The following UBASH3B variants were observed in gnomAD, a reference collection of about 807,000 sequenced individuals.
UBASH3B encodes ubiquitin-associated and SH3 domain-containing protein B.
UBASH3B carries 37 observed loss-of-function variants against 83.4 expected under a neutral mutation model. That is an observed-to-expected ratio of 0.44 (90% CI 0.34 to 0.58). UBASH3B has a LOEUF of 0.58. Among genes scored for constraint, UBASH3B ranks in the 20% least tolerant of loss-of-function variants. The pLI is 0.01. For synonymous variants in UBASH3B, 304 were observed against 318.3 expected (o/e 0.96, Z 0.48); for missense variants, 657 against 827.2 (o/e 0.79, Z 2.52).
intron 1 of UBASH3B, among the ~76,000 whole-genome samples, chr11:122,717,923 T>C (rs1214531200): frequency 3.8e-5 from 5 of 132,572 alleles, no homozygotes; most frequent in Non-Finnish European, 8.6e-5. Flanking sequence ...TTTTTTTTTT[T>C]CGGACAAGTC....
chr11:122,764,481 G>C (rs1299075844), intron 1 of UBASH3B, among the ~76,000 whole-genome samples: 1 of 152,240 alleles, frequency 6.6e-6, no homozygotes, highest in Non-Finnish European at 1.5e-5. Context: ...TAGAGCAGCT[G>C]TATGTGGCCA....
chr11:122,669,331 C>T (rs1863560664), intron 1 of UBASH3B, among the ~76,000 whole-genome samples: 1 of 152,198 alleles, frequency 6.6e-6, no homozygotes, highest in African/African-American at 2.4e-5. Context: ...CCTCCATCTT[C>T]AAGTACGTCA....
chr11:122,810,054 G>A lies in UBASH3B; in HGVS notation c.*168G>A. The A allele has an allele frequency of 1.3e-6, 1 of 786,826 alleles. No homozygotes were observed. Among genetic ancestry groups the A allele is most frequent in the Non-Finnish European group, 1.9e-6 (1 of 523,454 alleles). 48.7% of individuals were successfully genotyped at this position (786,826 alleles called of 1,614,324 possible). A position where few individuals can be genotyped will look rare whatever the true frequency, so the allele number is the denominator to read the frequency against. On this transcript the variant is annotated 3_prime_UTR_variant, in exon 14 of 14. Transcript: ENST00000284273. ...GATGAGACTGTGTAAATGAGAGAAA[G>A]ACTTGATTCAGAGGAAAAAAATGTG...
rs1401722562 is a variant in UBASH3B, at chr11:122,758,152, G to C, written c.162-18067G>C. On this transcript the variant is annotated intron_variant, in intron 1 of 13. Coordinates refer to ENST00000284273, the MANE Select transcript of UBASH3B (RefSeq NM_032873.5). The surrounding 1 kb of genome is among the most constrained non-coding windows in gnomAD (Gnocchi z 4.2). ...GGGAACTGAGGCCCAGAAGGAAGGC[G>C]AAGATGTGGCCGGGGGTGGGGCCGG... Among the ~76,000 whole-genome samples, 1 of 152,192 alleles carries C rather than the reference G, an allele frequency of 6.6e-6. No homozygotes were observed. Among genetic ancestry groups the C allele is most frequent in the Non-Finnish European group, 1.5e-5 (1 of 68,032 alleles).
chr11:122,803,376 G>A (rs909623739), intron 11 of UBASH3B, among the ~76,000 whole-genome samples: 2 of 152,188 alleles, frequency 1.3e-5, no homozygotes, highest in African/African-American at 4.8e-5. Flanking sequence ...CCTGAGAGCC[G>A]GGGTAGTGTG....
At chr11:122,691,820 C>T (rs59906294) in intron 1 of UBASH3B, among the ~76,000 whole-genome samples, 3,330 of 152,192 alleles carry the variant, frequency 0.022, 115 homozygotes, top group African/African-American at 0.076. Flanking sequence ...CTGTGATGGC[C>T]ATTTGTGACG....
Position 122,655,756 on chromosome 11 carries a change from G to C in UBASH3B, c.-294G>C, listed in dbSNP as rs1863348834. 2 of 353,044 alleles carry C rather than the reference G, an allele frequency of 5.7e-6. No individual in the cohort carries two copies. Among genetic ancestry groups the C allele is most frequent in the Non-Finnish European group, 5.1e-6 (1 of 195,984 alleles). 21.9% of individuals were successfully genotyped at this position (353,044 alleles called of 1,614,324 possible). A position where few individuals can be genotyped will look rare whatever the true frequency, so the allele number is the denominator to read the frequency against. Reference sequence around the variant, plus strand: ...TCCCGGACTGCTAGGCGAGGAGAGGGAAGGGGGCGGAGGAGACAGGGCTAC... The same window carrying C: ...TCCCGGACTGCTAGGCGAGGAGAGGCAAGGGGGCGGAGGAGACAGGGCTAC... On this transcript the variant is annotated 5_prime_UTR_variant, in exon 1 of 14. Coordinates refer to ENST00000284273, the MANE Select transcript of UBASH3B (RefSeq NM_032873.5).
intron 1 of UBASH3B, among the ~76,000 whole-genome samples, chr11:122,725,342 A>AAAAAAAAAAAAAAAAAAGAGAG (rs71281633): frequency 3.1e-5 from 4 of 130,780 alleles, no homozygotes; most frequent in Admixed American, 8.3e-5. Context: ...AAAAAAAAAA[A>AAAAAAAAAAAAAAAAAAGAGAG]AAGAAAAGAA....
At chr11:122,734,369 G>A (rs1389390943) in intron 1 of UBASH3B, among the ~76,000 whole-genome samples, 5 of 152,170 alleles carry the variant, frequency 3.3e-5, no homozygotes, top group African/African-American at 1.2e-4. Flanking sequence ...CTGAGCAGAC[G>A]GGGATTCCCA....
chr11:122,766,397 T>C (rs1035672193), intron 1 of UBASH3B, among the ~76,000 whole-genome samples: 14 of 152,028 alleles, frequency 9.2e-5, no homozygotes, highest in Middle Eastern at 3.2e-3. Context: ...CACAAAAAAT[T>C]AGCCAGGCGA....
intron 13 of UBASH3B, 135 bp from the exon 14 acceptor site, chr11:122,809,614 A>T (rs1861403466): frequency 4.9e-6 from 4 of 823,030 alleles, no homozygotes; most frequent in Non-Finnish European, 7.5e-6. Context: ...TTTGAAGGGA[A>T]TGCATTTCTA....
chr11:122,718,725 C>T (rs1771915688), intron 1 of UBASH3B, among the ~76,000 whole-genome samples: 1 of 152,196 alleles, frequency 6.6e-6, no homozygotes, highest in Non-Finnish European at 1.5e-5. Flanking sequence ...AAAGCTAACT[C>T]ATAGCGCATG....
chr11:122,795,148 T>C (rs997946391), intron 7 of UBASH3B, among the ~76,000 whole-genome samples: 3 of 152,134 alleles, frequency 2.0e-5, no homozygotes, highest in African/African-American at 7.2e-5. Context: ...TTACAAAGAT[T>C]AAAGAAAATA....
In UBASH3B at chr11:122,810,423, A is replaced by G. The variant is rs1861424249; in HGVS notation, c.*537A>G. 1 of 152,968 alleles carries G rather than the reference A, an allele frequency of 6.5e-6. No individual in the cohort carries two copies. Among genetic ancestry groups the G allele is most frequent in the Non-Finnish European group, 1.5e-5 (1 of 68,326 alleles). The allele number at this position is 152,968 out of a possible 1,614,324, so 9.5% of individuals were successfully genotyped here. On this transcript the variant is annotated 3_prime_UTR_variant, in exon 14 of 14. Transcript: ENST00000284273. ...AGGTTACACATGAAATCCTACCGTC[A>G]CTAGCCCCCATACACCAGTGTTGCT...
intron 9 of UBASH3B, 30 bp downstream of exon 9, chr11:122,797,063 GC>G: frequency 6.4e-7 from 1 of 1,556,986 alleles, no homozygotes; most frequent in Non-Finnish European, 8.7e-7. Context: ...TGCACTCCAG[GC>G]ATTTCTTGCC....
intron 1 of UBASH3B, among the ~76,000 whole-genome samples, chr11:122,745,680 A>G (rs972175670): frequency 6.6e-6 from 1 of 152,136 alleles, no homozygotes; most frequent in African/African-American, 2.4e-5. Context: ...ATAAATGGAT[A>G]AGCTTCATCT....
chr11:122,774,386 T>C, intron 1 of UBASH3B: 1 of 869,688 alleles, frequency 1.1e-6, no homozygotes, highest in Non-Finnish European at 1.4e-6. Context: ...CTTGTCTTTC[T>C]GTGGAGCAGA....
chr11:122,696,975 GC>G (rs530927960), intron 1 of UBASH3B, among the ~76,000 whole-genome samples: 174 of 152,228 alleles, frequency 1.1e-3, no homozygotes, highest in African/African-American at 4.0e-3. Context: ...TAAAGATCAG[GC>G]CACCAGGAGT....
chr11:122,753,995 G>T (rs115154288), intron 1 of UBASH3B, among the ~76,000 whole-genome samples: 1,813 of 152,164 alleles, frequency 0.012, 33 homozygotes, highest in African/African-American at 0.041. Context: ...TGATGGGAAG[G>T]TTTCATATCT....
Sources: allele counts gnomAD v4.1 joint callset (sites outside exome capture counted in the v4.1 genomes callset), GRCh38; gene constraint gnomAD v4.1.1; non-coding constraint Gnocchi (gnomAD v3.1); transcripts MANE v1.5; gene names NCBI Gene and HGNC (gene_info 2026-07-23, HGNC 2026-07-21).